NCKAP5: variants seen among roughly 807,000 people sequenced by gnomAD.
The protein encoded by NCKAP5 is NCK associated protein 5.
Under a neutral mutation model 167.0 loss-of-function variants are expected in NCKAP5, and 92 were observed. The ratio of observed to expected loss-of-function variants is 0.55; its 90% CI spans 0.47 to 0.66. The LOEUF (loss-of-function observed/expected upper bound fraction) is 0.66, where lower values mean the gene tolerates loss of function less well. NCKAP5 is among the 30% of genes least tolerant of loss of function. The pLI is 0.00. For missense variants in NCKAP5, 2,378 were observed against 2,315.0 expected (o/e 1.03, Z -0.56); for synonymous variants, 891 against 877.4 (o/e 1.02, Z -0.27).
intron 4 of NCKAP5, among the ~76,000 whole-genome samples, chr2:133,259,206 C>T (rs560675091): frequency 6.6e-6 from 1 of 152,306 alleles, no homozygotes; most frequent in African/African-American, 2.4e-5. Flanking sequence ...ACACCAGCCT[C>T]ATCCATCACT....
intron 4 of NCKAP5, among the ~76,000 whole-genome samples, chr2:133,257,912 C>A (rs935186143): frequency 6.6e-6 from 1 of 152,162 alleles, no homozygotes; most frequent in Non-Finnish European, 1.5e-5. Flanking sequence ...ACCTGGGCCA[C>A]GCAAAGAACC....
chr2:133,029,661 A>G (rs778319895), intron 6 of NCKAP5, among the ~76,000 whole-genome samples: 11 of 152,214 alleles, frequency 7.2e-5, no homozygotes, highest in Non-Finnish European at 8.8e-5. Context: ...AGTATCTATT[A>G]CAAGGGATTT....
intron 2 of NCKAP5, among the ~76,000 whole-genome samples, chr2:133,542,431 T>C (rs1686299742): frequency 6.6e-6 from 1 of 152,176 alleles, no homozygotes; most frequent in Non-Finnish European, 1.5e-5. Context: ...TTTGGGAAAA[T>C]CCACGATCAT....
At chr2:133,448,655 T>A (rs1263262204) in intron 3 of NCKAP5, among the ~76,000 whole-genome samples, 1 of 152,204 alleles carries the variant, frequency 6.6e-6, no homozygotes, top group Non-Finnish European at 1.5e-5. Context: ...CTTCTTTATT[T>A]TTTTTAAAAC....
chr2:133,343,479 G>A lies in NCKAP5; in HGVS notation c.70-40369C>T, dbSNP rs573796976. On this transcript the variant is annotated intron_variant, in intron 3 of 19. Transcript: ENST00000409261. ...CAGAGGATTATCACAGAGGCCAGTA[G>A]TATAAGGCAAATATAAAAGGGCAAA... is the stretch of plus-strand genomic sequence containing the variant. 3.3e-4 allele frequency among the ~76,000 whole-genome samples: 50 copies of A among 151,428 alleles called. No homozygotes were observed. In the South Asian group the frequency reaches 5.8e-3, roughly 18 times the overall value.
chr2:133,530,024 C>T (rs1194043501), intron 2 of NCKAP5, among the ~76,000 whole-genome samples: 1 of 152,102 alleles, frequency 6.6e-6, no homozygotes. Flanking sequence ...TGCATCAATC[C>T]TTTATGCGTT....
At chr2:133,664,131 T>C in the NCKAP5 span, among the ~76,000 whole-genome samples, 1 of 151,640 alleles carries the variant, frequency 6.6e-6, no homozygotes, top group Non-Finnish European at 1.5e-5. Flanking sequence ...GGTGCACTGG[T>C]GATGAGCAGC....
chr2:133,150,795 C>T (rs2083360501), intron 5 of NCKAP5, among the ~76,000 whole-genome samples: 1 of 152,102 alleles, frequency 6.6e-6, no homozygotes. Context: ...AAGTCATATA[C>T]TAGCAGCATT....
intron 6 of NCKAP5, among the ~76,000 whole-genome samples, chr2:133,091,541 A>T (rs948841330): frequency 1.3e-5 from 2 of 152,154 alleles, no homozygotes; most frequent in Non-Finnish European, 2.9e-5. Context: ...ACTCACATAA[A>T]TATTTTATGA....
intron 19 of NCKAP5, among the ~76,000 whole-genome samples, chr2:132,692,934 A>C (rs1686913434): frequency 1.3e-5 from 2 of 152,156 alleles, no homozygotes; most frequent in African/African-American, 4.8e-5. Context: ...AACCATACAG[A>C]CTGTGTCTAT....
chr2:133,512,095 T>C (rs1428394635), intron 3 of NCKAP5, among the ~76,000 whole-genome samples: 1 of 152,196 alleles, frequency 6.6e-6, no homozygotes, highest in African/African-American at 2.4e-5. Context: ...ATAAAGACTT[T>C]TGTTTTCTTA....
At chr2:133,270,912 A>ATTTCT (rs2089478770) in intron 4 of NCKAP5, among the ~76,000 whole-genome samples, 1 of 128,970 alleles carries the variant, frequency 7.8e-6, no homozygotes, top group African/African-American at 2.9e-5. Flanking sequence ...GTTGCTTCAA[A>ATTTCT]TTTTTTTTTT....
At chr2:133,385,079 C>T (rs1013965425) in intron 3 of NCKAP5, among the ~76,000 whole-genome samples, 3 of 152,166 alleles carry the variant, frequency 2.0e-5, no homozygotes, top group African/African-American at 4.8e-5. Flanking sequence ...ACTTCCAACA[C>T]TATGTTGAAT....
At position 132,836,522 on chromosome 2, in the gene NCKAP5, C is replaced by A. The variant is rs11894809; in HGVS notation, c.807+23970G>T. Among the ~76,000 whole-genome samples the A allele has an allele frequency of 7.9e-5, 12 of 151,806 alleles. No homozygotes were observed. The South Asian group carries it at 2.1e-3, about 26-fold the overall frequency. ...ACTCTCCAACTGCTCATCAGTAACA[C>A]GTTCCATATTCTCAGATATAAAGTT... On this transcript the variant is annotated intron_variant, in intron 11 of 19. Transcript: ENST00000409261.
At chr2:133,627,157 T>C in the NCKAP5 span, among the ~76,000 whole-genome samples, 1 of 152,042 alleles carries the variant, frequency 6.6e-6, no homozygotes, top group South Asian at 2.1e-4. Context: ...TATTGTACCA[T>C]GATAGATTAA....
chr2:133,252,533 C>G (rs1003296258), intron 4 of NCKAP5, among the ~76,000 whole-genome samples: 2 of 152,208 alleles, frequency 1.3e-5, no homozygotes, highest in Admixed American at 6.5e-5. Context: ...GATCAGACCA[C>G]GAGAGGTCTT....
intron 3 of NCKAP5, among the ~76,000 whole-genome samples, chr2:133,388,623 T>C (rs1375987515): frequency 1.3e-5 from 2 of 152,232 alleles, no homozygotes; most frequent in Non-Finnish European, 2.9e-5. Flanking sequence ...AGCTATGCCC[T>C]GCCCCCACAG....
At chr2:132,798,289 A>ATC (rs1489447148) in intron 11 of NCKAP5, among the ~76,000 whole-genome samples, 1 of 152,180 alleles carries the variant, frequency 6.6e-6, no homozygotes, top group Non-Finnish European at 1.5e-5. Context: ...GACAAAATAC[A>ATC]TCATACTTAG....
chr2:133,404,692 A>G (rs1311267853), intron 3 of NCKAP5, among the ~76,000 whole-genome samples: 1 of 152,218 alleles, frequency 6.6e-6, no homozygotes, highest in Admixed American at 6.5e-5. Flanking sequence ...ATATCTTTTT[A>G]TACTTGTGTT....
Sources: allele counts gnomAD v4.1 joint callset (sites outside exome capture counted in the v4.1 genomes callset), GRCh38; gene constraint gnomAD v4.1.1; transcripts MANE v1.5; gene names NCBI Gene and HGNC (gene_info 2026-07-23, HGNC 2026-07-21).